The following MCHR2 variants were observed in gnomAD, a reference collection of about 807,000 sequenced individuals.
MCHR2 encodes the protein melanin-concentrating hormone receptor 2.
In MCHR2, 15 loss-of-function variants were observed where a neutral mutation model predicts 24.8. That is an observed-to-expected ratio of 0.60 (90% CI 0.40 to 0.93). The LOEUF (loss-of-function observed/expected upper bound fraction) is 0.93, where lower values mean the gene tolerates loss of function less well. Ranked by LOEUF, MCHR2 falls within the 40% of genes least tolerant of loss-of-function variation. MCHR2 has a pLI of 0.00. For synonymous variants in MCHR2, 151 were observed against 147.6 expected (o/e 1.02, Z -0.17); for missense variants, 386 against 408.7 (o/e 0.94, Z 0.48).
chr6:99,939,275 C>T (rs972796625), intron 4 of MCHR2, among the ~76,000 whole-genome samples: 1 of 152,042 alleles, frequency 6.6e-6, no homozygotes, highest in African/African-American at 2.4e-5. Context: ...TTCTTACTAT[C>T]TTCCTTTGTG....
At chr6:99,980,547 A>ATGTG (rs10677779) in intron 1 of MCHR2, among the ~76,000 whole-genome samples, 5,823 of 150,456 alleles carry the variant, frequency 0.039, 145 homozygotes, top group Non-Finnish European at 0.051. Context: ...GTGAAAGCAT[A>ATGTG]TGTGTGTGTG....
chr6:99,969,944 C>A (rs1356736742), intron 1 of MCHR2, among the ~76,000 whole-genome samples: 2 of 144,006 alleles, frequency 1.4e-5, no homozygotes, highest in Non-Finnish European at 3.0e-5. Context: ...GCCACATTTT[C>A]TTAATCCAGT....
intron 1 of MCHR2, among the ~76,000 whole-genome samples, chr6:99,981,432 G>A (rs1775667461): frequency 7.4e-6 from 1 of 135,966 alleles, no homozygotes; most frequent in Non-Finnish European, 1.6e-5. Context: ...AGTCACTGGA[G>A]TCTGGCCGCT....
chr6:99,982,834 T>C (rs1186571210), intron 1 of MCHR2, among the ~76,000 whole-genome samples: 1 of 152,172 alleles, frequency 6.6e-6, no homozygotes. Context: ...AAATGGAAAG[T>C]GACACTAGAT....
In MCHR2 at chr6:99,926,520, G is replaced by C. The variant is rs546174135; in HGVS notation, c.708-5265C>G. Among the ~76,000 whole-genome samples the C allele has an allele frequency of 2.6e-5, 4 of 152,120 alleles. No individual in the cohort carries two copies. In the South Asian group the frequency reaches 6.2e-4, roughly 24 times the overall value. On this transcript the variant is annotated intron_variant, in intron 5 of 5. Transcript: ENST00000281806. ...TGTTGTTTCCTGACTTTTTAATGAT[G>C]GCCATTCTAACTGGTGTGAGATGGT...
chr6:99,932,849 A>G (rs1774574822), intron 5 of MCHR2, among the ~76,000 whole-genome samples: 2 of 152,120 alleles, frequency 1.3e-5, no homozygotes, highest in African/African-American at 4.8e-5. Context: ...TAATGGAAAA[A>G]CTAGTGAAGT....
chr6:99,943,163 G>A lies in MCHR2; in HGVS notation c.393-20C>T. On this transcript the variant is annotated intron_variant, in intron 3 of 5. Transcript: ENST00000281806. ...AAGTACCTGCAAAGGCAGTCAGGAA[G>A]AGTTTTGGAACAATCAATAAAAGCA... The A allele has an allele frequency of 6.3e-7, 1 of 1,595,628 alleles. No individual in the cohort carries two copies.
At chr6:99,969,201 C>T (rs561638525) in intron 1 of MCHR2, among the ~76,000 whole-genome samples, 40 of 152,138 alleles carry the variant, frequency 2.6e-4, no homozygotes, top group Non-Finnish European at 5.0e-4. Flanking sequence ...GAGGGCCAGG[C>T]GTGGTGGCTC....
rs1380850762 is a variant in MCHR2 at position 99,920,393 on chromosome 6, A to C, written c.*547T>G. ...ATAATACTTATTTCACAGGTTTGTT[A>C]CATGTAATCTTACACATTGCATGTG... On this transcript the variant is annotated 3_prime_UTR_variant, in exon 6 of 6. Transcript: ENST00000281806. The C allele has an allele frequency of 1.3e-5, 2 of 153,240 alleles. No individual in the cohort carries two copies. The highest frequency in any genetic ancestry group is 4.8e-5 in the African/African-American group (2 of 41,476). The allele number at this position is 153,240 out of a possible 1,614,324, so 9.5% of individuals were successfully genotyped here. A position where few individuals can be genotyped will look rare whatever the true frequency, so the allele number is the denominator to read the frequency against.
In MCHR2 at chr6:99,920,833, A is replaced by T; in HGVS notation, c.*107T>A. 4 of 1,096,740 alleles carry T rather than the reference A, an allele frequency of 3.6e-6. No individual in the cohort carries two copies. In the South Asian group the frequency reaches 6.0e-5, roughly 16 times the overall value. The allele number at this position is 1,096,740 out of a possible 1,614,324, so 67.9% of individuals were successfully genotyped here. ...TCTCTTCCATGCTGCTAAGAGTCAC[A>T]AGTACACAAGAAGAATGGGCATAAA... On this transcript the variant is annotated 3_prime_UTR_variant, in exon 6 of 6. Coordinates refer to ENST00000281806, the MANE Select transcript of MCHR2 (RefSeq NM_001040179.2).
rs1295581629 is a variant in MCHR2, at chr6:99,947,980, G to C, written c.183-9C>G. The C allele has an allele frequency of 6.2e-7, 1 of 1,609,954 alleles. No homozygotes were observed. Among genetic ancestry groups the C allele is most frequent in the Admixed American group, 1.7e-5 (1 of 59,704 alleles). On this transcript the variant is annotated splice_polypyrimidine_tract_variant and intron_variant, in intron 2 of 5. Coordinates refer to ENST00000281806, the MANE Select transcript of MCHR2 (RefSeq NM_001040179.2). ...CTGTTTTTTTCCTGGATCTGAAAGA[G>C]ATAGAGGAAACTGAGGATTGACATT...
chr6:99,983,473 T>A (rs911416131), intron 1 of MCHR2, among the ~76,000 whole-genome samples: 1 of 152,214 alleles, frequency 6.6e-6, no homozygotes, highest in Non-Finnish European at 1.5e-5. Flanking sequence ...TGCCCACTAC[T>A]GTGAACTTTC....
At chr6:99,928,047 G>A (rs1309300957) in intron 5 of MCHR2, among the ~76,000 whole-genome samples, 2 of 152,216 alleles carry the variant, frequency 1.3e-5, no homozygotes, top group Non-Finnish European at 2.9e-5. Context: ...TTAGCATGAA[G>A]TGTTGTTGAA....
At chr6:99,935,822 C>G (rs1335514232) in intron 4 of MCHR2, among the ~76,000 whole-genome samples, 14 of 151,798 alleles carry the variant, frequency 9.2e-5, no homozygotes, top group Admixed American at 9.2e-4. Context: ...CGACAATGTA[C>G]AAAGGTTCCG....
At chr6:99,934,596 G>T in intron 4 of MCHR2, 79 bp from the exon 5 acceptor site, 1 of 1,249,910 alleles carries the variant, frequency 8.0e-7, no homozygotes, top group Non-Finnish European at 1.1e-6. Flanking sequence ...GGCTTTTGCA[G>T]TTTCCGAGGC....
chr6:99,985,234 T>C (rs9496094), intron 1 of MCHR2, among the ~76,000 whole-genome samples: 91,719 of 146,020 alleles, frequency 0.63, 27,763 homozygotes, highest in Middle Eastern at 0.66. Flanking sequence ...ACCAGTATCA[T>C]CAAAATGACC....
chr6:99,959,959 T>C (rs929053872), intron 1 of MCHR2, among the ~76,000 whole-genome samples: 3 of 151,872 alleles, frequency 2.0e-5, no homozygotes, highest in African/African-American at 7.2e-5. Flanking sequence ...GAAAGCTTAT[T>C]TAAAGAAATA....
At chr6:99,971,470 T>G (rs1372583593) in intron 1 of MCHR2, among the ~76,000 whole-genome samples, 2 of 152,174 alleles carry the variant, frequency 1.3e-5, no homozygotes, top group Non-Finnish European at 2.9e-5. Flanking sequence ...GCTGAGACAT[T>G]GGGGTTTTCT....
chr6:99,977,858 A>G lies in MCHR2; in HGVS notation c.-28+16078T>C, dbSNP rs146008582. ...AAGGCTACTGCTAGCTAATTCAACC[A>G]TAATAAAGTTTGCTAGATGATAAGT... On this transcript the variant is annotated intron_variant, in intron 1 of 5. Transcript: ENST00000281806. Among the ~76,000 whole-genome samples, 1,361 of 152,302 alleles carry G rather than the reference A, an allele frequency of 8.9e-3. 18 individuals carry two copies. Among genetic ancestry groups the G allele is most frequent in the African/African-American group, 0.031 (1,287 of 41,554 alleles).
Sources: allele counts gnomAD v4.1 joint callset (sites outside exome capture counted in the v4.1 genomes callset), GRCh38; gene constraint gnomAD v4.1.1; transcripts MANE v1.5; gene names NCBI Gene and HGNC (gene_info 2026-07-23, HGNC 2026-07-21).